The following TRPC3 variants were observed in gnomAD, a reference collection of about 807,000 sequenced individuals.
TRPC3 encodes short transient receptor potential channel 3.
TRPC3 carries 54 observed loss-of-function variants against 90.9 expected under a neutral mutation model. The ratio of observed to expected loss-of-function variants is 0.59; its 90% CI spans 0.48 to 0.75. TRPC3 has a LOEUF of 0.75. Ranked by LOEUF, TRPC3 falls within the 30% of genes least tolerant of loss-of-function variation. The pLI, the probability that TRPC3 is intolerant of heterozygous loss-of-function variation, is 0.00. For synonymous variants in TRPC3, 424 were observed against 450.9 expected, an observed-to-expected ratio of 0.94 and a Z score of 0.75; for missense variants, 918 against 1,194.5, an observed-to-expected ratio of 0.77 and a Z score of 3.41.
At chr4:121,910,729 C>T (rs376878709) in intron 5 of TRPC3, among the ~76,000 whole-genome samples, 1 of 152,008 alleles carries the variant, frequency 6.6e-6, no homozygotes, top group Non-Finnish European at 1.5e-5. Flanking sequence ...TCAAGTTATC[C>T]CATAAGACTT....
chr4:121,932,266 C>T lies in TRPC3; in HGVS notation c.987+5G>A. On this transcript the variant is annotated splice_donor_5th_base_variant and intron_variant, in intron 2 of 11. Transcript: ENST00000379645. This position sits in a 1 kb window ranked among gnomAD's most constrained non-coding sequence, Gnocchi z 7.7. ...AGAGCAGCCGGGGTAGAGCGCAAAG[C>T]TTACCTTGAACTCCTTCTCTATGTT... The T allele has an allele frequency of 6.2e-7, 1 of 1,612,690 alleles. No homozygotes were observed. The highest frequency in any genetic ancestry group is 8.5e-7 in the Non-Finnish European group (1 of 1,178,978).
Position 121,894,555 on chromosome 4 carries a change from GTT to G in TRPC3, c.2547+5055_2547+5056del, listed in dbSNP as rs374034360. On this transcript the variant is annotated intron_variant, in intron 10 of 11. Transcript: ENST00000379645. Reference sequence around the variant, plus strand: ...CCAACAGCTGGAAAGTACACATTCTGTTTTTTTTTTTTTTTTTTTTTTTTTTG... The same window carrying G: ...CCAACAGCTGGAAAGTACACATTCTGTTTTTTTTTTTTTTTTTTTTTTTTG... Among the ~76,000 whole-genome samples the G allele has an allele frequency of 1.3e-4, 8 of 63,370 alleles. No individual in the cohort carries two copies. In the East Asian group the frequency reaches 3.0e-3, roughly 23 times the overall value. The allele number at this position is 63,370 out of a possible 152,430, so 41.6% of individuals were successfully genotyped here.
intron 1 of TRPC3, chr4:121,950,750 A>G (rs1361214733): frequency 2.0e-5 from 3 of 152,260 alleles, no homozygotes; most frequent in Non-Finnish European, 4.4e-5. Flanking sequence ...ACCGCCTGGG[A>G]ACCGCAGTCA....
At position 121,882,313 on chromosome 4, in the gene TRPC3, G is replaced by A. The variant is rs761620476; in HGVS notation, c.2623+41C>T. 6 of 1,552,738 alleles carry A rather than the reference G, an allele frequency of 3.9e-6. No individual in the cohort carries two copies. In the Admixed American group the frequency reaches 9.4e-5, roughly 24 times the overall value. On this transcript the variant is annotated intron_variant, in intron 11 of 11. Coordinates refer to ENST00000379645, the MANE Select transcript of TRPC3 (RefSeq NM_001130698.2). Reference sequence around the variant, plus strand: ...ACATTAAGTTTTCCAGGTTCATTAAGTTAGCTATAAAAGGATATTTTTTAA... The same window carrying A: ...ACATTAAGTTTTCCAGGTTCATTAAATTAGCTATAAAAGGATATTTTTTAA...
intron 1 of TRPC3, chr4:121,950,970 C>G (rs1730707969): frequency 6.6e-6 from 1 of 152,554 alleles, no homozygotes; most frequent in Non-Finnish European, 1.5e-5. Context: ...CCCAGAGCGT[C>G]GGAGGGGACC....
chr4:121,886,613 G>A (rs1389827908), intron 10 of TRPC3, among the ~76,000 whole-genome samples: 4 of 152,006 alleles, frequency 2.6e-5, no homozygotes, highest in African/African-American at 4.8e-5. Flanking sequence ...AATAACTATC[G>A]GTCCAAATTC....
chr4:121,941,815 CTT>C (rs1190326559), intron 1 of TRPC3, among the ~76,000 whole-genome samples: 2 of 152,272 alleles, frequency 1.3e-5, no homozygotes, highest in East Asian at 1.9e-4. Flanking sequence ...TTGAACATCT[CTT>C]AATATATATT....
At chr4:121,915,910 A>C (rs570715164) in intron 3 of TRPC3, among the ~76,000 whole-genome samples, 1 of 152,334 alleles carries the variant, frequency 6.6e-6, no homozygotes, top group Admixed American at 6.5e-5. Context: ...GAATTCAAAA[A>C]TCAACTATGA....
chr4:121,920,465 A>G (rs1490766437), intron 3 of TRPC3, among the ~76,000 whole-genome samples: 1 of 152,002 alleles, frequency 6.6e-6, no homozygotes, highest in African/African-American at 2.4e-5. Flanking sequence ...TGGAGGTTGC[A>G]GTGAGCCAAG....
intron 7 of TRPC3, among the ~76,000 whole-genome samples, chr4:121,906,977 G>A (rs1016663843): frequency 1.3e-5 from 2 of 152,026 alleles, no homozygotes; most frequent in African/African-American, 4.8e-5. Context: ...GAAGAGTACT[G>A]GCTACAAAAT....
At chr4:121,921,910 T>G (rs570247248) in intron 3 of TRPC3, among the ~76,000 whole-genome samples, 1,336 of 107,998 alleles carry the variant, frequency 0.012, 16 homozygotes, top group African/African-American at 0.043. Flanking sequence ...GTTTTTTGGG[T>G]TTTTTTTTGT....
intron 2 of TRPC3, 134 bp from the exon 3 acceptor site, chr4:121,925,340 T>G (rs1729665826): frequency 1.1e-6 from 1 of 940,764 alleles, no homozygotes; most frequent in East Asian, 2.8e-5. Context: ...GCAAGGCTTG[T>G]TGAGCTGAAT....
At chr4:121,936,127 T>C (rs1730120984) in intron 1 of TRPC3, among the ~76,000 whole-genome samples, 1 of 152,222 alleles carries the variant, frequency 6.6e-6, no homozygotes, top group South Asian at 2.1e-4. Flanking sequence ...ATATCACTCA[T>C]CTTATGATAA....
chr4:121,896,902 G>A (rs781632404), intron 10 of TRPC3, among the ~76,000 whole-genome samples: 1 of 151,984 alleles, frequency 6.6e-6, no homozygotes, highest in Admixed American at 6.6e-5. Context: ...ATATTACCAG[G>A]CTGTAGAAAC....
rs1730752974 is a variant in TRPC3 at position 121,951,520 on chromosome 4, G to C, written c.161C>G (p.Ser54Trp). 4.3e-6 allele frequency: 6 copies of C among 1,386,886 alleles called. No homozygotes were observed. The highest frequency in any genetic ancestry group is 5.6e-6 in the Non-Finnish European group (6 of 1,070,054). The allele number at this position is 1,386,886 out of a possible 1,614,324, so 85.9% of individuals were successfully genotyped here. A position where few individuals can be genotyped will look rare whatever the true frequency, so the allele number is the denominator to read the frequency against. ...NGGLEPRSAP[S>W]QREPHGYCPP... ...GCAGTAGCCGTGCGGCTCCCGCTGC[G>C]AGGGCGCCGAGCGCGGCTCCAGCCC... Residue 54 changes from serine to tryptophan, a missense_variant, in exon 1 of 12, where the codon TCG (serine) becomes TGG (tryptophan). Transcript: ENST00000379645. The surrounding 1 kb of genome is among the most constrained non-coding windows in gnomAD (Gnocchi z 4.4).
chr4:121,893,326 A>G (rs1028000570), intron 10 of TRPC3, among the ~76,000 whole-genome samples: 2 of 152,142 alleles, frequency 1.3e-5, no homozygotes, highest in African/African-American at 4.8e-5. Flanking sequence ...GCATGAATAG[A>G]TCAGTGGAAC....
At chr4:121,901,231 CA>C (rs1260920026) in intron 9 of TRPC3, among the ~76,000 whole-genome samples, 1 of 152,144 alleles carries the variant, frequency 6.6e-6, no homozygotes, top group East Asian at 1.9e-4. Context: ...CCCAGAAAAA[CA>C]AAAGTCCCTC....
chr4:121,936,702 T>A (rs866707875), intron 1 of TRPC3, among the ~76,000 whole-genome samples: 1 of 152,266 alleles, frequency 6.6e-6, no homozygotes, highest in South Asian at 2.1e-4. Flanking sequence ...CAAGAGGGCT[T>A]GCTCCCCTCA....
At chr4:121,937,493 A>C (rs894192467) in intron 1 of TRPC3, among the ~76,000 whole-genome samples, 11 of 152,262 alleles carry the variant, frequency 7.2e-5, no homozygotes, top group African/African-American at 2.7e-4. Context: ...CCTAAACCAC[A>C]GCACAGCAAG....
Sources: allele counts gnomAD v4.1 joint callset (sites outside exome capture counted in the v4.1 genomes callset), GRCh38; gene constraint gnomAD v4.1.1; non-coding constraint Gnocchi (gnomAD v3.1); transcripts MANE v1.5; gene names NCBI Gene and HGNC (gene_info 2026-07-23, HGNC 2026-07-21).